Variants in SPOCK3 observed in about 807,000 individuals in gnomAD.
SPOCK3 encodes SPARC (osteonectin), cwcv and kazal like domains proteoglycan 3.
Under a neutral mutation model 56.6 loss-of-function variants are expected in SPOCK3, and 30 were observed. The ratio of observed to expected loss-of-function variants is 0.53; its 90% CI spans 0.40 to 0.72. SPOCK3 has a LOEUF of 0.72. Among genes scored for constraint, SPOCK3 ranks in the 30% least tolerant of loss-of-function variants. The probability of loss-of-function intolerance (pLI) is 0.00; values close to 1 mark genes in which losing one functional copy is unlikely to be tolerated. For synonymous variants in SPOCK3, 196 were observed against 183.3 expected, an observed-to-expected ratio of 1.07 and a Z score of -0.56; for missense variants, 527 against 530.0, an observed-to-expected ratio of 0.99 and a Z score of 0.06.
At chr4:166,973,386 G>T (rs535938610) in intron 4 of SPOCK3, among the ~76,000 whole-genome samples, 3 of 152,172 alleles carry the variant, frequency 2.0e-5, no homozygotes, top group Admixed American at 1.3e-4. Flanking sequence ...TTTCCATGAT[G>T]CAATATCCAT....
chr4:167,065,037 C>CAAACAAAAAAAAAAAAAAAAAAAA (rs1755977789), intron 2 of SPOCK3, among the ~76,000 whole-genome samples: 1 of 64,050 alleles, frequency 1.6e-5, no homozygotes, highest in Non-Finnish European at 2.7e-5. Context: ...ATGCCCTCTC[C>CAAACAAAAAAAAAAAAAAAAAAAA]AAAAAAAAAA....
At chr4:167,130,001 C>T (rs1762575549) in intron 2 of SPOCK3, among the ~76,000 whole-genome samples, 2 of 152,020 alleles carry the variant, frequency 1.3e-5, no homozygotes, top group African/African-American at 4.8e-5. Context: ...ATTATGTTTT[C>T]CAAAAATAAG....
At chr4:167,179,578 TG>T (rs970388387) in intron 2 of SPOCK3, among the ~76,000 whole-genome samples, 6 of 152,184 alleles carry the variant, frequency 3.9e-5, no homozygotes, top group African/African-American at 1.4e-4. Flanking sequence ...TTATTATGTA[TG>T]GGTTTCTTAC....
chr4:167,037,120 T>C (rs1312223236), intron 3 of SPOCK3, among the ~76,000 whole-genome samples: 3 of 152,202 alleles, frequency 2.0e-5, no homozygotes, highest in Non-Finnish European at 4.4e-5. Flanking sequence ...TGAGGCAATG[T>C]TGCCATCCTC....
intron 2 of SPOCK3, among the ~76,000 whole-genome samples, chr4:167,146,250 A>T (rs1763944318): frequency 6.6e-6 from 1 of 152,194 alleles, no homozygotes; most frequent in Admixed American, 6.5e-5. Flanking sequence ...CAACGCAACA[A>T]GAAGAGGTAA....
chr4:167,159,842 C>G (rs1337412827), intron 2 of SPOCK3, among the ~76,000 whole-genome samples: 6 of 152,000 alleles, frequency 3.9e-5, no homozygotes, highest in African/African-American at 9.7e-5. Flanking sequence ...ATTCAACATC[C>G]CTTCATGCTA....
chr4:166,899,815 C>T (rs1560987835), intron 5 of SPOCK3, among the ~76,000 whole-genome samples: 1 of 152,064 alleles, frequency 6.6e-6, no homozygotes, highest in Non-Finnish European at 1.5e-5. Context: ...GTGCCCAGCC[C>T]CTGTTTACTA....
intron 6 of SPOCK3, among the ~76,000 whole-genome samples, chr4:166,866,382 A>C (rs1005582243): frequency 6.6e-6 from 1 of 152,212 alleles, no homozygotes; most frequent in Non-Finnish European, 1.5e-5. Flanking sequence ...CAAAGACTTC[A>C]TGACTAAAAC....
At chr4:166,751,175 A>G (rs977251099) in intron 8 of SPOCK3, among the ~76,000 whole-genome samples, 2 of 152,208 alleles carry the variant, frequency 1.3e-5, no homozygotes, top group Admixed American at 1.3e-4. Flanking sequence ...TAGAAATTAC[A>G]AATATTCACA....
At chr4:167,154,118 A>T (rs1218376887) in intron 2 of SPOCK3, among the ~76,000 whole-genome samples, 1 of 152,172 alleles carries the variant, frequency 6.6e-6, no homozygotes, top group African/African-American at 2.4e-5. Context: ...TACAATCCCA[A>T]GTATGTTATT....
At chr4:167,048,005 G>A (rs375710662) in intron 3 of SPOCK3, among the ~76,000 whole-genome samples, 4 of 152,112 alleles carry the variant, frequency 2.6e-5, no homozygotes, top group Non-Finnish European at 2.9e-5. Flanking sequence ...AGCCAAGATC[G>A]TGTCACTGCA....
intron 6 of SPOCK3, among the ~76,000 whole-genome samples, chr4:166,809,167 T>A (rs1743501988): frequency 6.6e-6 from 1 of 151,972 alleles, no homozygotes; most frequent in Admixed American, 6.6e-5. Context: ...AAAACTAATG[T>A]GCTCAATATA....
At chr4:166,791,628 A>G (rs36096256) in intron 7 of SPOCK3, among the ~76,000 whole-genome samples, 1 of 152,314 alleles carries the variant, frequency 6.6e-6, no homozygotes, top group South Asian at 2.1e-4. Flanking sequence ...CCAAGGAATT[A>G]AAAAAACTTT....
At chr4:166,841,012 T>A (rs2126829031) in intron 6 of SPOCK3, among the ~76,000 whole-genome samples, 1 of 151,838 alleles carries the variant, frequency 6.6e-6, no homozygotes, top group Non-Finnish European at 1.5e-5. Context: ...TCTCCTGACC[T>A]CATGATCCGC....
intron 3 of SPOCK3, among the ~76,000 whole-genome samples, chr4:167,034,780 CAT>C (rs1357096825): frequency 6.6e-6 from 1 of 152,058 alleles, no homozygotes; most frequent in Non-Finnish European, 1.5e-5. Context: ...TTTGAAAGGA[CAT>C]AGTTATTTTA....
intron 7 of SPOCK3, among the ~76,000 whole-genome samples, chr4:166,783,801 A>C (rs1740433087): frequency 6.6e-6 from 1 of 152,070 alleles, no homozygotes; most frequent in South Asian, 2.1e-4. Context: ...TAAGACACCT[A>C]TTTTGCAAAC....
chr4:166,810,280 G>T (rs1743634306), intron 6 of SPOCK3, among the ~76,000 whole-genome samples: 1 of 151,988 alleles, frequency 6.6e-6, no homozygotes, highest in Non-Finnish European at 1.5e-5. Context: ...ATAATAACAT[G>T]CATAAAGCAA....
At chr4:167,201,765 G>A (rs940028182) in intron 2 of SPOCK3, among the ~76,000 whole-genome samples, 21 of 151,418 alleles carry the variant, frequency 1.4e-4, no homozygotes, top group South Asian at 2.1e-4. Context: ...TGTATCTAAA[G>A]TTAGCAGTAT....
chr4:166,813,953 CA>C (rs1469905480), intron 6 of SPOCK3, among the ~76,000 whole-genome samples: 1 of 151,796 alleles, frequency 6.6e-6, no homozygotes, highest in Non-Finnish European at 1.5e-5. Flanking sequence ...AATTGAAGCA[CA>C]AAAAAACATC....
Sources: gnomAD v4.1 joint callset for allele counts (sites outside exome capture counted in the v4.1 genomes callset) on GRCh38, gnomAD v4.1.1 for gene constraint, MANE v1.5 for transcripts, NCBI Gene and HGNC (gene_info 2026-07-23, HGNC 2026-07-21) for gene names.